The following PPP1R1C variants were observed in gnomAD, a reference collection of about 807,000 sequenced individuals.
PPP1R1C encodes the protein protein phosphatase 1 regulatory inhibitor subunit 1C.
A neutral mutation model predicts 17.4 loss-of-function variants in PPP1R1C; 15 were observed. The ratio of observed to expected loss-of-function variants is 0.86; its 90% CI spans 0.58 to 1.33. The LOEUF is 1.33. PPP1R1C is among the 40% of genes most tolerant of loss of function. The probability of loss-of-function intolerance (pLI) is 0.00; values close to 1 mark genes in which losing one functional copy is unlikely to be tolerated. For synonymous variants in PPP1R1C, 35 were observed against 43.1 expected (o/e 0.81, Z 0.73); for missense variants, 143 against 130.0 (o/e 1.10, Z -0.48).
At chr2:182,044,349 T>A in intron 2 of PPP1R1C, among the ~76,000 whole-genome samples, 1 of 152,196 alleles carries the variant, frequency 6.6e-6, no homozygotes, top group East Asian at 1.9e-4. Context: ...CTTCAACCCC[T>A]TCTCTCTGAA....
chr2:181,967,103 T>C lies in PPP1R1C; in HGVS notation n.112-8116T>C, dbSNP rs373386883. Reference sequence around the variant, plus strand: ...TTTATTGGCATATGGTTGCTCATAGTGGTCTCTAATCATCCTTTGAATTTC... The same window carrying C: ...TTTATTGGCATATGGTTGCTCATAGCGGTCTCTAATCATCCTTTGAATTTC... On this transcript the variant is annotated intron_variant and non_coding_transcript_variant, in intron 1 of 5. Coordinates refer to the PPP1R1C transcript ENST00000464264. The surrounding 1 kb of genome is among the most constrained non-coding windows in gnomAD (Gnocchi z 5.5). Among the ~76,000 whole-genome samples, 1 of 152,208 alleles carries C rather than the reference T, an allele frequency of 6.6e-6. No homozygotes were observed. The highest frequency in any genetic ancestry group is 1.5e-5 in the Non-Finnish European group (1 of 68,026).
intron 4 of PPP1R1C, among the ~76,000 whole-genome samples, chr2:182,066,073 T>C (rs907681221): frequency 1.3e-5 from 2 of 152,144 alleles, no homozygotes; most frequent in Admixed American, 6.6e-5. Flanking sequence ...TCAACCCAGA[T>C]ACTTTAATTC....
At chr2:182,014,577 T>C (rs1686201415) in intron 2 of PPP1R1C, among the ~76,000 whole-genome samples, 1 of 151,964 alleles carries the variant, frequency 6.6e-6, no homozygotes, top group African/African-American at 2.4e-5. Context: ...GCCCAAGGGC[T>C]CTTCAGTCAG....
intron 4 of PPP1R1C, among the ~76,000 whole-genome samples, chr2:182,074,167 A>G (rs576620338): frequency 1.4e-4 from 21 of 150,064 alleles, no homozygotes; most frequent in Admixed American, 9.3e-4. Context: ...TCAGCCTCCC[A>G]AGTAGCTGGG....
Position 181,961,391 on chromosome 2 carries a change from C to T in PPP1R1C, n.111+6757C>T, listed in dbSNP as rs960630073. The T allele has an allele frequency of 2.9e-5, 21 of 718,620 alleles. No individual in the cohort carries two copies. The highest frequency in any genetic ancestry group is 2.9e-5 in the South Asian group (2 of 68,432). The allele number at this position is 718,620 out of a possible 1,614,324, so 44.5% of individuals were successfully genotyped here. On this transcript the variant is annotated intron_variant and non_coding_transcript_variant, in intron 1 of 5. Coordinates refer to the PPP1R1C transcript ENST00000464264. The surrounding 1 kb of genome is among the most constrained non-coding windows in gnomAD (Gnocchi z 5.8). The stretch of plus-strand genomic sequence containing the variant: ...TTGACCTTGATGTTCAGCAGAGCCT[C>T]GTACTCCCCGATCTGGTGCTGTCCC...
At chr2:182,117,905 A>G (rs1243559504), downstream of PPP1R1C, 3 of 152,184 alleles carry the variant, frequency 2.0e-5, no homozygotes, top group African/African-American at 7.2e-5. Flanking sequence ...ATGGTTGATT[A>G]TACAACTACA....
At chr2:182,074,629 C>T (rs554802539) in intron 4 of PPP1R1C, among the ~76,000 whole-genome samples, 8 of 152,310 alleles carry the variant, frequency 5.3e-5, no homozygotes, top group Admixed American at 2.6e-4. Flanking sequence ...TCTTCACAAA[C>T]TTGTCCTGGT....
At chr2:182,066,136 T>C (rs1485488641) in intron 4 of PPP1R1C, among the ~76,000 whole-genome samples, 1 of 152,152 alleles carries the variant, frequency 6.6e-6, no homozygotes, top group Non-Finnish European at 1.5e-5. Flanking sequence ...TTACACATTG[T>C]TGGCAAATAG....
chr2:182,120,040 G>C (rs1317722879), downstream of PPP1R1C, among the ~76,000 whole-genome samples: 29 of 152,110 alleles, frequency 1.9e-4, no homozygotes, highest in Admixed American at 1.8e-3. Flanking sequence ...ATGGTTTTAG[G>C]TCTAACATTT....
At chr2:182,121,067 T>A (rs545556490), downstream of PPP1R1C, among the ~76,000 whole-genome samples, 12 of 152,250 alleles carry the variant, frequency 7.9e-5, no homozygotes, top group African/African-American at 2.6e-4. Flanking sequence ...TTCAAAAAAA[T>A]TTTTTTCTAG....
rs142618201 is a variant in PPP1R1C, at chr2:182,090,289, C to CTGTGTGTGTGTGTGTGTG, written c.241+26508_241+26525dup. ...AAACAATTCTCTTGAACTATAAATT[C>CTGTGTGTGTGTGTGTGTG]TGTGTGTGTGTGTGTGTGTGTGTGT... is the stretch of plus-strand genomic sequence containing the variant. On this transcript the variant is annotated intron_variant, in intron 4 of 4. Coordinates refer to ENST00000682840, the MANE Select transcript of PPP1R1C (RefSeq NM_001080545.3). 9.2e-3 allele frequency among the ~76,000 whole-genome samples: 1,334 copies of CTGTGTGTGTGTGTGTGTG among 145,668 alleles called. 17 individuals carry two copies. Among genetic ancestry groups the CTGTGTGTGTGTGTGTGTG allele is most frequent in the African/African-American group, 0.021 (788 of 38,002 alleles).
At chr2:181,993,249 G>A (rs1685517072) in intron 2 of PPP1R1C, among the ~76,000 whole-genome samples, 1 of 152,030 alleles carries the variant, frequency 6.6e-6, no homozygotes. Flanking sequence ...CCAGTATTAA[G>A]GCATCACATG....
chr2:182,086,361 T>C (rs1247599863), intron 4 of PPP1R1C, among the ~76,000 whole-genome samples: 2 of 152,110 alleles, frequency 1.3e-5, no homozygotes, highest in African/African-American at 4.8e-5. Context: ...ATCTACCAAT[T>C]TTGAATTTTT....
Position 181,992,331 on chromosome 2 carries a change from T to G in PPP1R1C, c.142+4432T>G, listed in dbSNP as rs1379053800. On this transcript the variant is annotated intron_variant, in intron 2 of 4. Transcript: ENST00000682840. ...TCATTTTCTCACCTTTTAAAAAATA[T>G]GAATGAATGATTATTTTCTTTTATT... 7.4e-5 allele frequency among the ~76,000 whole-genome samples: 10 copies of G among 135,146 alleles called. 3 individuals carry two copies. The highest frequency in any genetic ancestry group is 1.5e-4 in the Non-Finnish European group (9 of 60,224). 88.7% of individuals were successfully genotyped at this position (135,146 alleles called of 152,430 possible). A position where few individuals can be genotyped will look rare whatever the true frequency, so the allele number is the denominator to read the frequency against.
At chr2:182,063,923 TCA>T in intron 4 of PPP1R1C, 132 bp downstream of exon 4, 1 of 690,808 alleles carries the variant, frequency 1.4e-6, no homozygotes, top group Non-Finnish European at 2.6e-6. Flanking sequence ...AGTGTTATGT[TCA>T]GTAAGATATC....
chr2:182,125,825 T>C (rs1689859920), intron 5 of PPP1R1C, among the ~76,000 whole-genome samples: 1 of 152,162 alleles, frequency 6.6e-6, no homozygotes, highest in African/African-American at 2.4e-5. Flanking sequence ...CTATCTATTT[T>C]GTTAATCTTT....
At chr2:182,099,275 A>G (rs1262341795) in intron 4 of PPP1R1C, among the ~76,000 whole-genome samples, 1 of 152,204 alleles carries the variant, frequency 6.6e-6, no homozygotes, top group Admixed American at 6.6e-5. Flanking sequence ...AAAAATTGAA[A>G]AGTGCTTTAG....
At chr2:182,113,022 A>G (rs965605009) in intron 4 of PPP1R1C, among the ~76,000 whole-genome samples, 2 of 152,194 alleles carry the variant, frequency 1.3e-5, no homozygotes, top group African/African-American at 2.4e-5. Context: ...ATAGTACAGA[A>G]TATTTCCTTT....
chr2:182,123,761 T>C, intron 5 of PPP1R1C, among the ~76,000 whole-genome samples: 1 of 152,204 alleles, frequency 6.6e-6, no homozygotes, highest in East Asian at 1.9e-4. Context: ...TAGCCCTTTA[T>C]CAAATAGATA....
Sources: gnomAD v4.1 joint callset for allele counts (sites outside exome capture counted in the v4.1 genomes callset) on GRCh38, gnomAD v4.1.1 for gene constraint, Gnocchi (gnomAD v3.1) non-coding constraint, MANE v1.5 for transcripts, NCBI Gene and HGNC (gene_info 2026-07-23, HGNC 2026-07-21) for gene names.